The following SULF1 variants were observed in gnomAD, a reference collection of about 807,000 sequenced individuals.
SULF1 encodes extracellular sulfatase Sulf-1.
In SULF1, 46 loss-of-function variants were observed where a neutral mutation model predicts 110.5. That is an observed-to-expected ratio of 0.42 (90% CI 0.33 to 0.53). The LOEUF is 0.53. SULF1 is among the 20% of genes least tolerant of loss of function. The pLI is 0.12. For synonymous variants in SULF1, 371 were observed against 387.1 expected, an observed-to-expected ratio of 0.96 and a Z score of 0.49; for missense variants, 941 against 1,094.2, an observed-to-expected ratio of 0.86 and a Z score of 1.98.
intron 3 of SULF1, among the ~76,000 whole-genome samples, chr8:69,526,798 A>AAGGAAGGAAGG (rs1812704738): frequency 2.4e-4 from 27 of 112,286 alleles, no homozygotes; most frequent in South Asian, 3.6e-4. Context: ...GTCAAGAAAG[A>AAGGAAGGAAGG]AAGGAAGGAA....
At chr8:69,633,473 C>T (rs111250928) in intron 19 of SULF1, among the ~76,000 whole-genome samples, 11 of 151,450 alleles carry the variant, frequency 7.3e-5, no homozygotes, top group Middle Eastern at 3.4e-3. Flanking sequence ...GGATTACAGG[C>T]GGCCACCACC....
At chr8:69,503,066 C>A (rs868180645) in intron 3 of SULF1, among the ~76,000 whole-genome samples, 5 of 152,290 alleles carry the variant, frequency 3.3e-5, no homozygotes, top group Middle Eastern at 3.4e-3. Context: ...CTTTCATGAA[C>A]CTCACCTAAA....
intron 13 of SULF1, among the ~76,000 whole-genome samples, chr8:69,615,163 T>C (rs1041663463): frequency 2.6e-5 from 4 of 152,218 alleles, no homozygotes; most frequent in Non-Finnish European, 4.4e-5. Flanking sequence ...GAGCTCAGGC[T>C]TTCATCTGAT....
chr8:69,637,998 C>A (rs1268325596), intron 19 of SULF1: 1 of 163,824 alleles, frequency 6.1e-6, no homozygotes, highest in Non-Finnish European at 1.3e-5. Context: ...CATCCCAAAT[C>A]CTCCAGGCTG....
intron 15 of SULF1, 58 bp from the exon 16 acceptor site, chr8:69,627,152 A>T (rs1462926899): frequency 1.9e-5 from 24 of 1,294,636 alleles, no homozygotes; most frequent in Non-Finnish European, 2.4e-5. Context: ...TGTTATCTTT[A>T]GTGTTTTCTG....
intron 8 of SULF1, among the ~76,000 whole-genome samples, chr8:69,597,936 A>C (rs1807470998): frequency 6.6e-6 from 1 of 152,118 alleles, no homozygotes; most frequent in Non-Finnish European, 1.5e-5. Context: ...CTCATGGGCA[A>C]AAAACCCTTT....
chr8:69,546,455 C>G (rs1302968660), intron 3 of SULF1, among the ~76,000 whole-genome samples: 3 of 152,152 alleles, frequency 2.0e-5, no homozygotes, highest in Non-Finnish European at 4.4e-5. Flanking sequence ...TGAGTCCTAC[C>G]TAGAAAATTA....
At chr8:69,545,979 G>A (rs1433458718) in intron 3 of SULF1, among the ~76,000 whole-genome samples, 1 of 152,204 alleles carries the variant, frequency 6.6e-6, no homozygotes. Flanking sequence ...ACAGGCGTGA[G>A]CCACCATGTC....
chr8:69,660,726 G>A lies in SULF1; in HGVS notation c.*2191G>A, dbSNP rs530026758. On this transcript the variant is annotated 3_prime_UTR_variant, in exon 23 of 23. Transcript: ENST00000402687. ...CTGCTTGCCTGATGTGTGTATCATC[G>A]GTGGGATGACAGAACAAACATATTT... is the stretch of plus-strand genomic sequence containing the variant. 9.2e-5 allele frequency: 14 copies of A among 152,578 alleles called. No homozygotes were observed. Among genetic ancestry groups the A allele is most frequent in the East Asian group, 5.8e-4 (3 of 5,178 alleles). 9.5% of individuals were successfully genotyped at this position (152,578 alleles called of 1,614,324 possible). A position where few individuals can be genotyped will look rare whatever the true frequency, so the allele number is the denominator to read the frequency against.
At chr8:69,563,006 A>C (rs1238900642) in intron 3 of SULF1, 4 of 152,268 alleles carry the variant, frequency 2.6e-5, no homozygotes, top group Non-Finnish European at 5.9e-5. Context: ...CAGAGACTGG[A>C]AAAAATTGTC....
chr8:69,509,717 C>T (rs1811430235), intron 3 of SULF1, among the ~76,000 whole-genome samples: 1 of 152,222 alleles, frequency 6.6e-6, no homozygotes, highest in Non-Finnish European at 1.5e-5. Flanking sequence ...TGTCATGAGG[C>T]TGCCCTTCTC....
intron 5 of SULF1, among the ~76,000 whole-genome samples, chr8:69,574,840 C>A (rs912014989): frequency 3.3e-5 from 5 of 152,174 alleles, no homozygotes; most frequent in African/African-American, 4.8e-5. Context: ...CAATTAGAAA[C>A]CCTCCTCCTG....
At chr8:69,631,124 G>A (rs1810507638) in intron 19 of SULF1, among the ~76,000 whole-genome samples, 1 of 152,168 alleles carries the variant, frequency 6.6e-6, no homozygotes, top group South Asian at 2.1e-4. Context: ...CCCTGTGGGA[G>A]GGAGCGTGTT....
intron 3 of SULF1, among the ~76,000 whole-genome samples, chr8:69,510,620 G>GT (rs11333922): frequency 1.1e-3 from 139 of 131,084 alleles, no homozygotes; most frequent in Middle Eastern, 4.0e-3. Flanking sequence ...GTTTTTTTTT[G>GT]TTTTTTTTTT....
At chr8:69,544,746 T>C (rs1486894615) in intron 3 of SULF1, among the ~76,000 whole-genome samples, 1 of 152,240 alleles carries the variant, frequency 6.6e-6, no homozygotes, top group African/African-American at 2.4e-5. Context: ...AAGTTTTTCT[T>C]ATGAATAGAC....
chr8:69,502,410 A>G (rs1356939816), intron 3 of SULF1, among the ~76,000 whole-genome samples: 1 of 152,188 alleles, frequency 6.6e-6, no homozygotes, highest in Non-Finnish European at 1.5e-5. Context: ...TTCCTTGGCC[A>G]GATAAACATT....
At chr8:69,467,212 T>C (rs1450158207) in intron 1 of SULF1, 3 of 152,240 alleles carry the variant, frequency 2.0e-5, no homozygotes, top group Non-Finnish European at 2.9e-5. Context: ...ATCCCCGTTG[T>C]ATACTCAAAA....
At chr8:69,574,549 T>G (rs1413172128) in intron 5 of SULF1, among the ~76,000 whole-genome samples, 1 of 152,242 alleles carries the variant, frequency 6.6e-6, no homozygotes, top group African/African-American at 2.4e-5. Context: ...TGCATTGCTT[T>G]GCAAATATCC....
chr8:69,581,588 G>T (rs1313899785), intron 6 of SULF1, among the ~76,000 whole-genome samples: 1 of 152,200 alleles, frequency 6.6e-6, no homozygotes, highest in South Asian at 2.1e-4. Flanking sequence ...CAGATAGTAG[G>T]AGTTGAATTG....
Sources: allele counts gnomAD v4.1 joint callset (sites outside exome capture counted in the v4.1 genomes callset), GRCh38; gene constraint gnomAD v4.1.1; transcripts MANE v1.5; gene names NCBI Gene and HGNC (gene_info 2026-07-23, HGNC 2026-07-21).